The following GALNT18 variants were observed in gnomAD, a reference collection of about 807,000 sequenced individuals.
GALNT18 encodes polypeptide N-acetylgalactosaminyltransferase 18.
In GALNT18, 44 loss-of-function variants were observed where a neutral mutation model predicts 69.5. That is an observed-to-expected ratio of 0.63 (90% CI 0.50 to 0.81). GALNT18 has a LOEUF of 0.81. Among genes scored for constraint, GALNT18 ranks in the 40% least tolerant of loss-of-function variants. The pLI is 0.00. For missense variants in GALNT18, 715 were observed against 810.0 expected (o/e 0.88, Z 1.42); for synonymous variants, 364 against 318.2 (o/e 1.14, Z -1.53).
rs906207814 is a variant in GALNT18 at position 11,494,690 on chromosome 11, C to A, written c.236-45754G>T. ...GTGCAGAGGATTGGGGTGGATTTGA[C>A]AGCAGTTCCTCTTCTATTCTGTCAG... is the stretch of plus-strand genomic sequence containing the variant. On this transcript the variant is annotated intron_variant, in intron 1 of 10. Transcript: ENST00000227756. The surrounding 1 kb of genome is among the most constrained non-coding windows in gnomAD (Gnocchi z 5.7). Among the ~76,000 whole-genome samples the A allele has an allele frequency of 1.3e-5, 2 of 152,226 alleles. No homozygotes were observed. The highest frequency in any genetic ancestry group is 4.8e-5 in the African/African-American group (2 of 41,460).
chr11:11,518,378 T>C (rs910644128), intron 1 of GALNT18, among the ~76,000 whole-genome samples: 13 of 152,270 alleles, frequency 8.5e-5, no homozygotes, highest in East Asian at 1.9e-4. Flanking sequence ...AGTTCGATTA[T>C]GGTTTTGTTT....
chr11:11,321,777 A>G (rs1487451208), intron 9 of GALNT18, among the ~76,000 whole-genome samples: 1 of 152,104 alleles, frequency 6.6e-6, no homozygotes, highest in Non-Finnish European at 1.5e-5. Flanking sequence ...TAATTTTTTT[A>G]TATTTTTAGT....
At chr11:11,474,570 AGAAGTG>A (rs1856346712) in intron 1 of GALNT18, among the ~76,000 whole-genome samples, 1 of 152,232 alleles carries the variant, frequency 6.6e-6, no homozygotes, top group African/African-American at 2.4e-5. Context: ...AGTCCAGGAA[AGAAGTG>A]GCTTGGATGA....
intron 10 of GALNT18, among the ~76,000 whole-genome samples, chr11:11,292,235 C>A (rs1220043731): frequency 6.6e-6 from 1 of 152,182 alleles, no homozygotes; most frequent in Non-Finnish European, 1.5e-5. Context: ...ACCTGGGAGG[C>A]AGGCATCCCT....
rs185538695 is a variant in GALNT18, at chr11:11,465,159, C to G, written c.236-16223G>C. 6.6e-5 allele frequency among the ~76,000 whole-genome samples: 10 copies of G among 152,278 alleles called. No homozygotes were observed. ...ACCTGGGCGAGGTGCCTTGGGATGC[C>G]TGAGGAAGGTCTGTTCCCAGATCCT... On this transcript the variant is annotated intron_variant, in intron 1 of 10. Coordinates refer to ENST00000227756, the MANE Select transcript of GALNT18 (RefSeq NM_198516.3). This position sits in a 1 kb window ranked among gnomAD's most constrained non-coding sequence, Gnocchi z 5.7.
chr11:11,317,729 C>CT (rs1332486072), intron 9 of GALNT18, among the ~76,000 whole-genome samples: 4 of 152,212 alleles, frequency 2.6e-5, no homozygotes, highest in African/African-American at 9.6e-5. Flanking sequence ...TGCAGAAACT[C>CT]TTTAGGTTCC....
rs1478090605 is a variant in GALNT18 at position 11,469,052 on chromosome 11, C to T, written c.236-20116G>A. On this transcript the variant is annotated intron_variant, in intron 1 of 10. Coordinates refer to ENST00000227756, the MANE Select transcript of GALNT18 (RefSeq NM_198516.3). This position sits in a 1 kb window ranked among gnomAD's most constrained non-coding sequence, Gnocchi z 4.2. ...TTTGGTAGGGACAGTGTGTTGGGCA[C>T]AACCACTGCCTCTTGAGATGAGGCC... is the stretch of plus-strand genomic sequence containing the variant. 6.6e-6 allele frequency among the ~76,000 whole-genome samples: 1 copy of T among 152,164 alleles called. No individual in the cohort carries two copies. Among genetic ancestry groups the T allele is most frequent in the South Asian group, 2.1e-4 (1 of 4,822 alleles).
chr11:11,474,543 G>A (rs1478669506), intron 1 of GALNT18, among the ~76,000 whole-genome samples: 1 of 152,234 alleles, frequency 6.6e-6, no homozygotes, highest in Non-Finnish European at 1.5e-5. Flanking sequence ...AAGGAGGCCA[G>A]TGCGTAACTA....
chr11:11,397,282 A>G (rs1487119), intron 3 of GALNT18, among the ~76,000 whole-genome samples: 87,580 of 151,984 alleles, frequency 0.58, 26,481 homozygotes, highest in Non-Finnish European at 0.66. Context: ...AGGGGAGGCC[A>G]GGTATTCACA....
intron 1 of GALNT18, among the ~76,000 whole-genome samples, chr11:11,453,451 C>T (rs1479024466): frequency 6.6e-6 from 1 of 152,186 alleles, no homozygotes; most frequent in Non-Finnish European, 1.5e-5. Flanking sequence ...GGTCAGTTCC[C>T]TCACTTCTAT....
chr11:11,413,838 C>G lies in GALNT18; in HGVS notation c.595+18783G>C, dbSNP rs548542478. On this transcript the variant is annotated intron_variant, in intron 3 of 10. Coordinates refer to ENST00000227756, the MANE Select transcript of GALNT18 (RefSeq NM_198516.3). The surrounding 1 kb of genome is among the most constrained non-coding windows in gnomAD (Gnocchi z 4.7). ...GACCTCTTCCGAGAGCCTGGGTATC[C>G]GCTCTGTTCAGCAGTGCCCATCTAT... 6.6e-6 allele frequency among the ~76,000 whole-genome samples: 1 copy of G among 152,208 alleles called. No individual in the cohort carries two copies. The highest frequency in any genetic ancestry group is 1.5e-5 in the Non-Finnish European group (1 of 68,032).
In GALNT18 at chr11:11,337,547, G is replaced by A. The variant is rs572675401; in HGVS notation, c.1278+3272C>T. Among the ~76,000 whole-genome samples the A allele has an allele frequency of 2.6e-5, 4 of 152,096 alleles. No homozygotes were observed. Among genetic ancestry groups the A allele is most frequent in the Non-Finnish European group, 5.9e-5 (4 of 68,022 alleles). On this transcript the variant is annotated intron_variant, in intron 7 of 10. Coordinates refer to ENST00000227756, the MANE Select transcript of GALNT18 (RefSeq NM_198516.3). The surrounding 1 kb of genome is among the most constrained non-coding windows in gnomAD (Gnocchi z 4.9). ...ATGAGAGGGAGACTTTTAGATAACA[G>A]AACACTCTTTCACAGGCTGGTCATG...
At chr11:11,326,625 C>T (rs1045290520) in intron 9 of GALNT18, among the ~76,000 whole-genome samples, 1 of 152,182 alleles carries the variant, frequency 6.6e-6, no homozygotes, top group African/African-American at 2.4e-5. Flanking sequence ...AGGACCATGG[C>T]TATAAATTTT....
At chr11:11,458,130 C>G (rs905433695) in intron 1 of GALNT18, among the ~76,000 whole-genome samples, 1 of 152,208 alleles carries the variant, frequency 6.6e-6, no homozygotes, top group Non-Finnish European at 1.5e-5. Flanking sequence ...GCTATTCGCT[C>G]TCTTTGGGAA....
At chr11:11,287,087 T>C (rs1849208658) in intron 10 of GALNT18, among the ~76,000 whole-genome samples, 1 of 152,160 alleles carries the variant, frequency 6.6e-6, no homozygotes, top group Non-Finnish European at 1.5e-5. Context: ...AAATTGTTCC[T>C]AATTTCCCCC....
At chr11:11,345,601 C>T (rs769983183) in intron 6 of GALNT18, among the ~76,000 whole-genome samples, 9 of 152,006 alleles carry the variant, frequency 5.9e-5, no homozygotes, top group Non-Finnish European at 8.8e-5. Context: ...GCAAATGGCA[C>T]GATAGAGCAA....
chr11:11,482,439 C>T (rs571611602), intron 1 of GALNT18, among the ~76,000 whole-genome samples: 33 of 152,356 alleles, frequency 2.2e-4, no homozygotes, highest in African/African-American at 7.7e-4. Flanking sequence ...TCAGCTTGGA[C>T]TGTTCTGCAA....
intron 1 of GALNT18, among the ~76,000 whole-genome samples, chr11:11,534,888 C>G (rs1221240495): frequency 6.6e-6 from 1 of 152,248 alleles, no homozygotes; most frequent in Non-Finnish European, 1.5e-5. Context: ...GTACATGCAG[C>G]ATGCAGCAGT....
chr11:11,518,857 G>C (rs1857336844), intron 1 of GALNT18, among the ~76,000 whole-genome samples: 1 of 152,166 alleles, frequency 6.6e-6, no homozygotes, highest in Admixed American at 6.5e-5. Context: ...AGGCCCCAGG[G>C]CCATGGTCCT....
Sources: allele counts gnomAD v4.1 joint callset (sites outside exome capture counted in the v4.1 genomes callset), GRCh38; gene constraint gnomAD v4.1.1; non-coding constraint Gnocchi (gnomAD v3.1); transcripts MANE v1.5; gene names NCBI Gene and HGNC (gene_info 2026-07-23, HGNC 2026-07-21).